Variants in B3GAT2 observed in about 807,000 individuals in gnomAD.
B3GAT2 encodes galactosylgalactosylxylosylprotein 3-beta-glucuronosyltransferase 2.
Under a neutral mutation model 27.8 loss-of-function variants are expected in B3GAT2, and 26 were observed. That is an observed-to-expected ratio of 0.93 (90% CI 0.68 to 1.30). The LOEUF is 1.30. Among genes scored for constraint, B3GAT2 ranks in the 50% most tolerant of loss-of-function variants. B3GAT2 has a pLI of 0.00. For missense variants in B3GAT2, 458 were observed against 459.0 expected (o/e 1.00, Z 0.02); for synonymous variants, 218 against 195.1 (o/e 1.12, Z -0.98).
rs188837989 is a variant in B3GAT2, at chr6:70,945,630, C to T, written c.591+10209G>A. On this transcript the variant is annotated intron_variant, in intron 1 of 3. Transcript: ENST00000230053. ...CTGAAAGTGACGGGGAGGATGGAAC[C>T]GAGTTGGAAAACACTCGGCACGATA... is the stretch of plus-strand genomic sequence containing the variant. 7.4e-5 allele frequency among the ~76,000 whole-genome samples: 11 copies of T among 149,606 alleles called. No individual in the cohort carries two copies. The East Asian group carries it at 9.8e-4, about 13-fold the overall frequency.
In B3GAT2 at chr6:70,859,130, A is replaced by ACAAT. The variant is rs1205711943; in HGVS notation, c.*2529_*2532dup. 3 of 463,588 alleles carry ACAAT rather than the reference A, an allele frequency of 6.5e-6. No homozygotes were observed. Among genetic ancestry groups the ACAAT allele is most frequent in the Non-Finnish European group, 1.2e-5 (3 of 260,812 alleles). The allele number at this position is 463,588 out of a possible 1,614,324, so 28.7% of individuals were successfully genotyped here. On this transcript the variant is annotated 3_prime_UTR_variant, in exon 4 of 4. Transcript: ENST00000230053. Reference sequence around the variant, plus strand: ...GTCTAGAGTGATTTCTAACATTAGCACAATCACTATATATCACAGTTAATT... The same window carrying ACAAT: ...GTCTAGAGTGATTTCTAACATTAGCACAATCAATCACTATATATCACAGTTAATT...
rs748921293 is a variant in B3GAT2 at position 70,860,317 on chromosome 6, A to G, written c.*1346T>C. ...AAGCTCATCAGGTCAGACTCTCAGC[A>G]CACAACTGTGGAAATGAAAACTGCA... On this transcript the variant is annotated 3_prime_UTR_variant, in exon 4 of 4. Coordinates refer to ENST00000230053, the MANE Select transcript of B3GAT2 (RefSeq NM_080742.3). The G allele has an allele frequency of 1.9e-6, 3 of 1,610,218 alleles. No homozygotes were observed. The highest frequency in any genetic ancestry group is 2.5e-6 in the Non-Finnish European group (3 of 1,178,996).
intron 1 of B3GAT2, among the ~76,000 whole-genome samples, chr6:70,951,429 C>G (rs1050050077): frequency 6.6e-6 from 1 of 152,048 alleles, no homozygotes; most frequent in Non-Finnish European, 1.5e-5. Context: ...CAGCAACAGC[C>G]TAAATGTTTA....
chr6:70,884,095 CAAAAA>C (rs70990339), intron 2 of B3GAT2, among the ~76,000 whole-genome samples: 1 of 100,694 alleles, frequency 9.9e-6, no homozygotes, highest in Non-Finnish European at 2.0e-5. Flanking sequence ...CCTCAAGACT[CAAAAA>C]AAAAAAAAAA....
At chr6:70,886,326 A>C (rs532314423) in intron 2 of B3GAT2, among the ~76,000 whole-genome samples, 11 of 152,360 alleles carry the variant, frequency 7.2e-5, no homozygotes, top group African/African-American at 2.2e-4. Context: ...CAGCTAAGTG[A>C]GGATTCATGA....
At chr6:70,885,638 T>C (rs913431450) in intron 2 of B3GAT2, among the ~76,000 whole-genome samples, 19 of 152,174 alleles carry the variant, frequency 1.2e-4, no homozygotes, top group African/African-American at 4.1e-4. Flanking sequence ...TGTTCTTAAA[T>C]ACTACCGTTA....
At chr6:70,881,829 C>T (rs765043121) in intron 2 of B3GAT2, among the ~76,000 whole-genome samples, 8 of 152,192 alleles carry the variant, frequency 5.3e-5, no homozygotes, top group Non-Finnish European at 1.2e-4. Context: ...TCTTACTTCT[C>T]ATATGATCCC....
chr6:70,893,384 AAGAGTAT>A (rs955749026), intron 2 of B3GAT2, among the ~76,000 whole-genome samples: 1 of 151,302 alleles, frequency 6.6e-6, no homozygotes, highest in Non-Finnish European at 1.5e-5. Flanking sequence ...CTTCATTTTT[AAGAGTAT>A]AGATGTCACC....
chr6:70,891,817 C>T (rs1457327428), intron 2 of B3GAT2, among the ~76,000 whole-genome samples: 1 of 150,708 alleles, frequency 6.6e-6, no homozygotes, highest in Non-Finnish European at 1.5e-5. Flanking sequence ...TGGGAAGCAC[C>T]AATTGAACAT....
intron 1 of B3GAT2, among the ~76,000 whole-genome samples, chr6:70,910,927 T>C (rs1320616391): frequency 6.6e-6 from 1 of 152,218 alleles, no homozygotes. Context: ...TAATGATTAG[T>C]GATGTTGGGC....
intron 2 of B3GAT2, among the ~76,000 whole-genome samples, chr6:70,871,464 G>A (rs956125914): frequency 6.6e-6 from 1 of 151,460 alleles, no homozygotes; most frequent in African/African-American, 2.4e-5. Context: ...TTTTGAGACA[G>A]TTTTAATAGT....
At chr6:70,947,522 C>G (rs1765510921) in intron 1 of B3GAT2, among the ~76,000 whole-genome samples, 1 of 152,196 alleles carries the variant, frequency 6.6e-6, no homozygotes, top group Admixed American at 6.5e-5. Flanking sequence ...CCTCCGAAGA[C>G]TAAACCAGGA....
At chr6:70,893,125 G>A (rs1772319099) in intron 2 of B3GAT2, among the ~76,000 whole-genome samples, 2 of 152,206 alleles carry the variant, frequency 1.3e-5, no homozygotes, top group African/African-American at 4.8e-5. Context: ...CTGTCCATGA[G>A]CGCTGTGCCC....
chr6:70,944,566 G>A (rs1006425455), intron 1 of B3GAT2, among the ~76,000 whole-genome samples: 1 of 152,204 alleles, frequency 6.6e-6, no homozygotes, highest in Admixed American at 6.5e-5. Context: ...AAAGCAGCTG[G>A]GAAGCTCCAA....
Position 70,944,351 on chromosome 6 carries a change from A to C in B3GAT2, c.591+11488T>G, listed in dbSNP as rs576618554. On this transcript the variant is annotated intron_variant, in intron 1 of 3. Coordinates refer to ENST00000230053, the MANE Select transcript of B3GAT2 (RefSeq NM_080742.3). ...GAAAGGGGTGACAGAGGGCACCTGG[A>C]AAATCGGGTCACTCCCACCCTAATA... is the stretch of plus-strand genomic sequence containing the variant. 2.7e-3 allele frequency among the ~76,000 whole-genome samples: 404 copies of C among 152,272 alleles called. 1 individual carries two copies. Among genetic ancestry groups the C allele is most frequent in the Non-Finnish European group, 4.2e-3 (285 of 68,028 alleles).
rs146782076 is a variant in B3GAT2 at position 70,860,246 on chromosome 6, C to T, written c.*1417G>A. The T allele has an allele frequency of 2.4e-5, 39 of 1,613,664 alleles. No homozygotes were observed. In the African/African-American group the frequency reaches 4.8e-4, roughly 20 times the overall value. On this transcript the variant is annotated 3_prime_UTR_variant, in exon 4 of 4. Coordinates refer to ENST00000230053, the MANE Select transcript of B3GAT2 (RefSeq NM_080742.3). ...ATGAGTATCAGTAGTGCAACCCCTACTGCAGGTTTTGGCCAGCCCTCCAGC... is the reference window on the plus strand; with the variant it reads ...ATGAGTATCAGTAGTGCAACCCCTATTGCAGGTTTTGGCCAGCCCTCCAGC...
At chr6:70,943,761 T>C (rs373562764) in intron 1 of B3GAT2, among the ~76,000 whole-genome samples, 4 of 152,110 alleles carry the variant, frequency 2.6e-5, no homozygotes, top group East Asian at 3.9e-4. Flanking sequence ...AGAGATGAGA[T>C]AAAATTTTCA....
In B3GAT2 at chr6:70,954,747, G is replaced by A. The variant is rs545471022; in HGVS notation, c.591+1092C>T. On this transcript the variant is annotated intron_variant, in intron 1 of 3. Coordinates refer to ENST00000230053, the MANE Select transcript of B3GAT2 (RefSeq NM_080742.3). ...GTGGAGGAAGGCAACAGTCTCACAG[G>A]GCGTCAAATCAATCAAGAAGATTTT... Among the ~76,000 whole-genome samples, 5 of 152,270 alleles carry A rather than the reference G, an allele frequency of 3.3e-5. No homozygotes were observed. The East Asian group carries it at 7.7e-4, about 23-fold the overall frequency.
intron 2 of B3GAT2, among the ~76,000 whole-genome samples, chr6:70,871,341 C>A (rs1771934507): frequency 1.4e-5 from 2 of 146,998 alleles, no homozygotes; most frequent in South Asian, 4.3e-4. Flanking sequence ...ATTGGTAATT[C>A]TTTAAATGTT....
Sources: gnomAD v4.1 joint callset for allele counts (sites outside exome capture counted in the v4.1 genomes callset) on GRCh38, gnomAD v4.1.1 for gene constraint, MANE v1.5 for transcripts, NCBI Gene and HGNC (gene_info 2026-07-23, HGNC 2026-07-21) for gene names.